ARMCX4: variants seen among roughly 807,000 people sequenced by gnomAD.
The protein encoded by ARMCX4 is armadillo repeat-containing X-linked protein 4.
ARMCX4 carries 3 observed loss-of-function variants against 34.7 expected under a neutral mutation model. The observed-to-expected ratio is 0.09, with a 90% CI of 0.04 to 0.22. The LOEUF (loss-of-function observed/expected upper bound fraction) is 0.22, where lower values mean the gene tolerates loss of function less well. Ranked by LOEUF, ARMCX4 falls within the 10% of genes least tolerant of loss-of-function variation. The probability of loss-of-function intolerance (pLI) is 1.00; values close to 1 mark genes in which losing one functional copy is unlikely to be tolerated. For missense variants in ARMCX4, 1,448 were observed against 1,720.8 expected (o/e 0.84, Z 2.81); for synonymous variants, 513 against 632.8 (o/e 0.81, Z 2.84).
chrX:101,421,364 G>T (rs1929244124), intron 2 of ARMCX4, among the ~76,000 whole-genome samples: 1 of 110,915 alleles, frequency 9.0e-6, no homozygotes. Flanking sequence ...AATAGCCATG[G>T]TTTACATGGA....
At chrX:101,449,324 G>A (rs1338893720), downstream of ARMCX4, among the ~76,000 whole-genome samples, 3 of 111,801 alleles carry the variant, frequency 2.7e-5, no homozygotes, top group Non-Finnish European at 5.6e-5. Flanking sequence ...CTACCTCCTC[G>A]TTAAGGTCAA....
chrX:101,479,522 C>T (rs1556004980), intron 4 of ARMCX4, among the ~76,000 whole-genome samples: 1 of 107,884 alleles, frequency 9.3e-6, no homozygotes, highest in Non-Finnish European at 1.9e-5. Context: ...ACTCTGTTGC[C>T]CAGGCTGGAG....
intron 2 of ARMCX4, among the ~76,000 whole-genome samples, chrX:101,432,695 T>TATACACATATATATGTATAC (rs1930142125): frequency 9.4e-6 from 1 of 106,759 alleles, no homozygotes; most frequent in African/African-American, 3.4e-5. Flanking sequence ...TATACGTATA[T>TATACACATATATATGTATAC]ATACACATAT....
chrX:101,535,658 G>T (rs1556023326), downstream of ARMCX4, among the ~76,000 whole-genome samples: 1 of 111,092 alleles, frequency 9.0e-6, no homozygotes, highest in Non-Finnish European at 1.9e-5. Context: ...ATGAAATGTA[G>T]CATCCACCCC....
chrX:101,480,157 C>G (rs4468085), intron 4 of ARMCX4, among the ~76,000 whole-genome samples: 10,725 of 104,563 alleles, frequency 0.1, 813 homozygotes, highest in African/African-American at 0.25. Context: ...CACACACACA[C>G]ACACACACAC....
At chrX:101,528,921 T>C (rs2147725528) in intron 11 of ARMCX4, among the ~76,000 whole-genome samples, 1 of 111,592 alleles carries the variant, frequency 9.0e-6, no homozygotes, top group South Asian at 3.8e-4. Context: ...AGGTAACTTA[T>C]AGATTCAGTG....
At chrX:101,453,133 G>A (rs1196073493) in intron 4 of ARMCX4, among the ~76,000 whole-genome samples, 2 of 111,043 alleles carry the variant, frequency 1.8e-5, no homozygotes, top group Non-Finnish European at 3.8e-5. Context: ...TAACTGTGGT[G>A]TTTATTATGG....
Position 101,512,217 on chromosome X carries a change from A to G in ARMCX4, c.*1780+1162A>G, listed in dbSNP as rs782583218. On this transcript the variant is annotated intron_variant and NMD_transcript_variant, in intron 11 of 12. Transcript: ENST00000354842. The stretch of plus-strand genomic sequence containing the variant: ...GCCAGCATGGCGAAACCTCATCTCT[A>G]CTAAAAATACAAAAATTAGCCTGGT... Among the ~76,000 whole-genome samples, 217 of 111,278 alleles carry G rather than the reference A, an allele frequency of 2.0e-3. 1 individual carries two copies. The highest frequency in any genetic ancestry group is 6.4e-3 in the African/African-American group (196 of 30,684).
intron 11 of ARMCX4, among the ~76,000 whole-genome samples, chrX:101,519,229 T>A (rs959586223): frequency 1.8e-5 from 2 of 111,590 alleles, no homozygotes; most frequent in South Asian, 7.4e-4. Flanking sequence ...TTTTCAGTTC[T>A]GTTAACTATA....
At chrX:101,496,181 G>A (rs185215905), downstream of ARMCX4, among the ~76,000 whole-genome samples, 164 of 110,655 alleles carry the variant, frequency 1.5e-3, 2 homozygotes, top group Admixed American at 0.011. Flanking sequence ...AGTCCTGTTC[G>A]TGGAGCACCC....
intron 4 of ARMCX4, among the ~76,000 whole-genome samples, chrX:101,461,321 ACTTTTGTC>A (rs1388650346): frequency 8.9e-6 from 1 of 111,789 alleles, no homozygotes; most frequent in Admixed American, 9.5e-5. Flanking sequence ...GAATCATACC[ACTTTTGTC>A]CTTTTGTGTC....
At chrX:101,433,243 T>C (rs1930397379) in intron 2 of ARMCX4, among the ~76,000 whole-genome samples, 1 of 25,439 alleles carries the variant, frequency 3.9e-5, no homozygotes, top group Non-Finnish European at 1.3e-4. Context: ...CACATATGTA[T>C]ATATACACAC....
downstream of ARMCX4, among the ~76,000 whole-genome samples, chrX:101,496,613 A>G (rs782733691): frequency 8.9e-6 from 1 of 111,885 alleles, no homozygotes; most frequent in Non-Finnish European, 1.9e-5. Context: ...TGAAATAATA[A>G]GAAAGTATAC....
Position 101,488,825 on chromosome X carries a change from C to G in ARMCX4, c.236C>G (p.Ala79Gly). The G allele has an allele frequency of 5.2e-6, 6 of 1,156,126 alleles. No individual in the cohort carries two copies. The highest frequency in any genetic ancestry group is 6.9e-6 in the Non-Finnish European group (6 of 872,984). ...PQVEIGAETG[A>G]RSGPRAEVET... ...GTCGAGATTGGAGCAGAAACTGGAG[C>G]AAGAAGTGGGCCTAGGGCTGAAGTA... The change falls in exon 6 of 6, where the codon GCA becomes GGA. Residue 79 changes from alanine to glycine, a missense_variant. Physicochemically the swap from Ala to Gly is moderately conservative, Grantham distance 60 (BLOSUM62 0). Transcript: ENST00000423738.
intron 2 of ARMCX4, among the ~76,000 whole-genome samples, chrX:101,435,658 T>A (rs1930689218): frequency 9.1e-6 from 1 of 109,746 alleles, no homozygotes; most frequent in Admixed American, 9.8e-5. Context: ...TTAGATCCCA[T>A]TTGTCAATTT....
intron 4 of ARMCX4, among the ~76,000 whole-genome samples, chrX:101,479,484 CTTT>C (rs782507937): frequency 2.0e-5 from 2 of 98,844 alleles, no homozygotes; most frequent in Non-Finnish European, 4.1e-5. Flanking sequence ...CTATAAATTC[CTTT>C]TTTTTTTTTT....
At chrX:101,461,018 C>T (rs1932584829) in intron 4 of ARMCX4, among the ~76,000 whole-genome samples, 1 of 112,147 alleles carries the variant, frequency 8.9e-6, no homozygotes, top group African/African-American at 3.2e-5. Context: ...GCACTTGATG[C>T]TCTCCATGGT....
chrX:101,484,296 G>A (rs1341517227), upstream of ARMCX4, among the ~76,000 whole-genome samples: 1 of 111,869 alleles, frequency 8.9e-6, no homozygotes, highest in Non-Finnish European at 1.9e-5. Context: ...GAGATCTCAA[G>A]TGTTACGACG....
downstream of ARMCX4, among the ~76,000 whole-genome samples, chrX:101,449,733 G>A (rs1555998774): frequency 1.8e-5 from 2 of 111,495 alleles, no homozygotes; most frequent in Non-Finnish European, 3.8e-5. Context: ...TATTTTGTAC[G>A]GTGAGGTCGT....
Sources: allele counts gnomAD v4.1 joint callset (sites outside exome capture counted in the v4.1 genomes callset), GRCh38; gene constraint gnomAD v4.1.1; transcripts MANE v1.5; gene names NCBI Gene and HGNC (gene_info 2026-07-23, HGNC 2026-07-21).